CHST11: variants seen among roughly 807,000 people sequenced by gnomAD.
CHST11 encodes the protein C4S-1.
CHST11 carries 9 observed loss-of-function variants against 30.4 expected under a neutral mutation model. That is an observed-to-expected ratio of 0.30 (90% confidence interval 0.18 to 0.52). The LOEUF is 0.52. CHST11 is among the 20% of genes least tolerant of loss of function. CHST11 has a pLI of 0.97. For synonymous variants in CHST11, 152 were observed against 187.8 expected (o/e 0.81, Z 1.56); for missense variants, 348 against 460.6 (o/e 0.76, Z 2.24).
intron 2 of CHST11, among the ~76,000 whole-genome samples, chr12:104,609,024 C>A (rs547914633): frequency 6.6e-6 from 1 of 152,326 alleles, no homozygotes; most frequent in South Asian, 2.1e-4. Context: ...GGATCAGTTA[C>A]AATCATAGAA....
chr12:104,608,969 A>G (rs1441723322), intron 2 of CHST11, among the ~76,000 whole-genome samples: 1 of 152,208 alleles, frequency 6.6e-6, no homozygotes, highest in East Asian at 1.9e-4. Flanking sequence ...TAAGAAGGAA[A>G]ACTCAGACTT....
chr12:104,514,300 G>A (rs1326697795), intron 1 of CHST11: 13 of 899,804 alleles, frequency 1.4e-5, no homozygotes, highest in Non-Finnish European at 2.4e-5. Flanking sequence ...GCGGTGTTTG[G>A]CAGCCTGATC....
intron 1 of CHST11, among the ~76,000 whole-genome samples, chr12:104,464,708 A>G (rs1438455231): frequency 6.6e-6 from 1 of 152,166 alleles, no homozygotes; most frequent in Non-Finnish European, 1.5e-5. Context: ...AGAGATCTGA[A>G]AAAGAGATTT....
intron 1 of CHST11, among the ~76,000 whole-genome samples, chr12:104,515,441 G>A (rs2038013258): frequency 1.3e-5 from 2 of 152,218 alleles, no homozygotes; most frequent in Admixed American, 6.5e-5. Context: ...CTCCGATGGT[G>A]TTAAAGCTTG....
At chr12:104,547,437 G>A (rs2038362265) in intron 1 of CHST11, among the ~76,000 whole-genome samples, 1 of 152,212 alleles carries the variant, frequency 6.6e-6, no homozygotes, top group East Asian at 1.9e-4. Context: ...TCCCCGGCCA[G>A]TTAACAAATG....
At chr12:104,584,517 A>T (rs1344345553) in intron 1 of CHST11, among the ~76,000 whole-genome samples, 1 of 152,152 alleles carries the variant, frequency 6.6e-6, no homozygotes, top group Non-Finnish European at 1.5e-5. Flanking sequence ...TCAGCCTCCC[A>T]AAGTGCTGGG....
At chr12:104,694,005 A>G (rs2039922161) in intron 2 of CHST11, among the ~76,000 whole-genome samples, 1 of 152,208 alleles carries the variant, frequency 6.6e-6, no homozygotes, top group African/African-American at 2.4e-5. Context: ...TTAAAACAAA[A>G]CCATGTAAAA....
chr12:104,711,240 G>A (rs927766370), intron 2 of CHST11, among the ~76,000 whole-genome samples: 12 of 152,070 alleles, frequency 7.9e-5, no homozygotes, highest in African/African-American at 2.2e-4. Flanking sequence ...CCTGAAGTTC[G>A]CAGATGGATT....
chr12:104,482,965 T>G lies in CHST11; in HGVS notation c.118+25436T>G, dbSNP rs78607131. On this transcript the variant is annotated intron_variant, in intron 1 of 2. Transcript: ENST00000303694. ...GTCAGCATGGGAGAAAGTCATCCTG[T>G]CTGAAACAGTGCTGATTCGGGTCAC... Among the ~76,000 whole-genome samples the G allele has an allele frequency of 1.4e-3, 207 of 152,310 alleles. 2 individuals are homozygous for G. The East Asian group carries it at 0.023, about 17-fold the overall frequency.
intron 2 of CHST11, among the ~76,000 whole-genome samples, chr12:104,666,804 A>C (rs1168774315): frequency 6.6e-6 from 1 of 151,576 alleles, no homozygotes; most frequent in Non-Finnish European, 1.5e-5. Flanking sequence ...GAGGCGGGGC[A>C]AGGTCTGATA....
intron 2 of CHST11, among the ~76,000 whole-genome samples, chr12:104,621,878 A>G (rs2136061123): frequency 6.6e-6 from 1 of 152,364 alleles, no homozygotes; most frequent in Non-Finnish European, 1.5e-5. Context: ...ACCAGGGTCC[A>G]AAGGAGGCCT....
chr12:104,756,532 G>GGTGTGTGTGT (rs113577198), intron 2 of CHST11, among the ~76,000 whole-genome samples: 3,267 of 143,200 alleles, frequency 0.023, 136 homozygotes, highest in African/African-American at 0.071. Context: ...ATCCATGTGG[G>GGTGTGTGTGT]GTGTGTGTGT....
intron 2 of CHST11, among the ~76,000 whole-genome samples, chr12:104,710,040 A>G (rs2040073460): frequency 6.6e-6 from 1 of 152,100 alleles, no homozygotes; most frequent in South Asian, 2.1e-4. Context: ...ATCTACACAG[A>G]AATTCAAAAA....
chr12:104,731,092 C>T (rs2040253501), intron 2 of CHST11, among the ~76,000 whole-genome samples: 1 of 152,234 alleles, frequency 6.6e-6, no homozygotes, highest in Non-Finnish European at 1.5e-5. Context: ...TCCATTTCAT[C>T]TTGTTTATCT....
chr12:104,582,293 GA>G (rs962289874), intron 1 of CHST11, among the ~76,000 whole-genome samples: 1 of 152,132 alleles, frequency 6.6e-6, no homozygotes, highest in Non-Finnish European at 1.5e-5. Flanking sequence ...GAGGGGCCAG[GA>G]TTTGAGGCAG....
At chr12:104,475,955 C>T (rs2037556474) in intron 1 of CHST11, among the ~76,000 whole-genome samples, 1 of 141,936 alleles carries the variant, frequency 7.0e-6, no homozygotes, top group South Asian at 2.1e-4. Context: ...TATATATTTA[C>T]AAAGATATAT....
chr12:104,548,175 C>G (rs2038369355), intron 1 of CHST11, among the ~76,000 whole-genome samples: 1 of 152,164 alleles, frequency 6.6e-6, no homozygotes, highest in African/African-American at 2.4e-5. Context: ...TCAAGGACAG[C>G]CTAACCTAAT....
chr12:104,651,038 T>C (rs1389818635), intron 2 of CHST11, among the ~76,000 whole-genome samples: 1 of 152,184 alleles, frequency 6.6e-6, no homozygotes, highest in East Asian at 1.9e-4. Context: ...TATGTCTAAT[T>C]TTTAGCCCCA....
chr12:104,519,654 C>T (rs374242826), intron 1 of CHST11, among the ~76,000 whole-genome samples: 1 of 152,108 alleles, frequency 6.6e-6, no homozygotes, highest in African/African-American at 2.4e-5. Flanking sequence ...CCCAGGGAGC[C>T]GGTTATTATG....
Sources: allele counts gnomAD v4.1 joint callset (sites outside exome capture counted in the v4.1 genomes callset), GRCh38; gene constraint gnomAD v4.1.1; transcripts MANE v1.5; gene names NCBI Gene and HGNC (gene_info 2026-07-23, HGNC 2026-07-21).